The following NOL9 variants were observed in gnomAD, a reference collection of about 807,000 sequenced individuals.
NOL9 encodes polynucleotide 5'-hydroxyl-kinase NOL9.
A neutral mutation model predicts 67.9 loss-of-function variants in NOL9; 28 were observed. That is an observed-to-expected ratio of 0.41 (90% CI 0.31 to 0.57). The LOEUF (loss-of-function observed/expected upper bound fraction) is 0.57. NOL9 is among the 20% of genes least tolerant of loss of function. The probability of loss-of-function intolerance (pLI) is 0.25; values close to 1 mark genes in which losing one functional copy is unlikely to be tolerated. For synonymous variants in NOL9, 356 were observed against 352.2 expected (o/e 1.01, Z -0.12); for missense variants, 777 against 897.0 (o/e 0.87, Z 1.71).
rs760412791 is a variant in NOL9, at chr1:6,545,049, G to A, written c.876C>T (p.Ser292=). 6.8e-6 allele frequency: 11 copies of A among 1,614,034 alleles called. No homozygotes were observed. Among genetic ancestry groups the A allele is most frequent in the African/African-American group, 2.7e-5 (2 of 74,930 alleles). ...LSALEELVNV[S]CEEVDGCPVI... ...TGATCAATGTGTATTACTCACCACA[G>A]GAAACATTGACTAACTCTTCCAGGG... is the stretch of plus-strand genomic sequence containing the variant. The change falls in exon 4 of 12, where the codon TCC becomes TCT. Residue 292 remains serine, a synonymous_variant. Transcript: ENST00000377705.
In NOL9 at chr1:6,554,229, C is replaced by T; in HGVS notation, c.274G>A (p.Ala92Thr). ...TPSPIPSPTPASEPESEPELE... is the reference protein window; with the variant it reads ...TPSPIPSPTPTSEPESEPELE... ...TCGGGTTCGGACTCGGGTTCGGAGG[C>T]CGGGGTCGGGCTAGGGATCGGGCTG... Residue 92 changes from alanine (A) to threonine (T), a missense_variant, in exon 1 of 12, where the codon GCC becomes ACC. Around this residue, in one of 2 missense-constraint regions of NOL9, gnomAD observed 364 missense variants for 344.4 expected, o/e 1.06. Transcript: ENST00000377705. 1 of 1,512,942 alleles carries T rather than the reference C, an allele frequency of 6.6e-7. No individual in the cohort carries two copies. Among genetic ancestry groups the T allele is most frequent in the Non-Finnish European group, 8.8e-7 (1 of 1,129,952 alleles). The allele number at this position is 1,512,942 out of a possible 1,614,324, so 93.7% of individuals were successfully genotyped here.
chr1:6,526,416 G>C (rs1638885050), intron 11 of NOL9, among the ~76,000 whole-genome samples: 2 of 152,118 alleles, frequency 1.3e-5, no homozygotes, highest in Non-Finnish European at 2.9e-5. Context: ...GGGCAAACCT[G>C]GGAGGGCCTC....
rs1048006766 is a variant in NOL9 at position 6,544,643 on chromosome 1, C to T, written c.977+183G>A. Among the ~76,000 whole-genome samples the T allele has an allele frequency of 2.7e-5, 4 of 148,298 alleles. No individual in the cohort carries two copies. In the Admixed American group the frequency reaches 2.8e-4, roughly 10 times the overall value. On this transcript the variant is annotated intron_variant, in intron 5 of 11. Coordinates refer to ENST00000377705, the MANE Select transcript of NOL9 (RefSeq NM_024654.5). ...CTGCAGGTAAGGCAAAGTCAGCCTACGCTAGAGCATTGTCACATACTGCAA... is the reference window on the plus strand; with the variant it reads ...CTGCAGGTAAGGCAAAGTCAGCCTATGCTAGAGCATTGTCACATACTGCAA...
At chr1:6,549,726 G>A (rs1639501077) in intron 2 of NOL9, 28 bp from the exon 3 acceptor site, 2 of 1,607,500 alleles carry the variant, frequency 1.2e-6, no homozygotes, top group Non-Finnish European at 8.5e-7. Context: ...AACCACCTTA[G>A]AAGCAGTAAC....
chr1:6,554,351 C>G lies in NOL9; in HGVS notation c.152G>C (p.Arg51Pro). The G allele has an allele frequency of 1.4e-6, 2 of 1,457,254 alleles. No homozygotes were observed. The highest frequency in any genetic ancestry group is 1.8e-6 in the Non-Finnish European group (2 of 1,112,818). The allele number at this position is 1,457,254 out of a possible 1,614,324, so 90.3% of individuals were successfully genotyped here. A position where few individuals can be genotyped will look rare whatever the true frequency, so the allele number is the denominator to read the frequency against. The change falls in exon 1 of 12, where the codon CGG becomes CCG. Residue 51 changes from arginine (R) to proline (P), a missense_variant. Around this residue, in one of 2 missense-constraint regions of NOL9, gnomAD observed 364 missense variants for 344.4 expected, o/e 1.06. Coordinates refer to ENST00000377705, the MANE Select transcript of NOL9 (RefSeq NM_024654.5). ...GCCGGACGCCTGGGCTTGCAGTAAC[C>G]GCCACCGTAGGCGCCGCCGACCGCA... is the stretch of plus-strand genomic sequence containing the variant. The part of the protein sequence containing the change: ...RWCGRRRLRW[R>P]LLQAQASGVD...
At chr1:6,547,879 G>A in intron 3 of NOL9, 1 of 166,434 alleles carries the variant, frequency 6.0e-6, no homozygotes, top group South Asian at 1.3e-4. Context: ...TCTCTTCTTG[G>A]GACGTTGTCT....
At chr1:6,540,905 A>G (rs187893225) in intron 6 of NOL9, 2 of 151,994 alleles carry the variant, frequency 1.3e-5, no homozygotes, top group African/African-American at 4.8e-5. Flanking sequence ...TACAGAGAAG[A>G]CTGGCAATGG....
At chr1:6,546,133 A>C (rs1639417840) in intron 3 of NOL9, among the ~76,000 whole-genome samples, 3 of 151,558 alleles carry the variant, frequency 2.0e-5, no homozygotes, top group Admixed American at 2.0e-4. Flanking sequence ...TATCTCCCTT[A>C]TGTGAAAAAA....
rs187225768 is a variant in NOL9 at position 6,549,811 on chromosome 1, G to A, written c.617-113C>T. The A allele has an allele frequency of 2.4e-4, 314 of 1,297,118 alleles. No homozygotes were observed. The Middle Eastern group carries it at 2.7e-3, about 11-fold the overall frequency. 80.4% of individuals were successfully genotyped at this position (1,297,118 alleles called of 1,614,324 possible). A position where few individuals can be genotyped will look rare whatever the true frequency, so the allele number is the denominator to read the frequency against. The stretch of plus-strand genomic sequence containing the variant: ...TAAACATTAGGAGAGTAGGAATTAC[G>A]GTTGAGAGCCTTTTTCAGGGGGCCG... On this transcript the variant is annotated intron_variant, in intron 2 of 11. Coordinates refer to ENST00000377705, the MANE Select transcript of NOL9 (RefSeq NM_024654.5).
chr1:6,540,613 G>T (rs1339805559), intron 6 of NOL9, among the ~76,000 whole-genome samples: 2 of 152,130 alleles, frequency 1.3e-5, no homozygotes, highest in African/African-American at 4.8e-5. Context: ...ATGACCTGAG[G>T]TCAGGAGTTC....
rs116897468 is a variant in NOL9 at position 6,536,578 on chromosome 1, A to C, written c.1076-3137T>G. Among the ~76,000 whole-genome samples the C allele has an allele frequency of 3.3e-5, 5 of 152,142 alleles. No individual in the cohort carries two copies. In the East Asian group the frequency reaches 9.7e-4, roughly 29 times the overall value. ...TGCAGTGGCTCACACTTGTAATCTC[A>C]GGACTGTGGGAGGCTTAGGTGGGAG... On this transcript the variant is annotated intron_variant, in intron 6 of 11. Transcript: ENST00000377705.
chr1:6,539,240 G>C (rs1639223062), intron 6 of NOL9, among the ~76,000 whole-genome samples: 1 of 152,170 alleles, frequency 6.6e-6, no homozygotes, highest in Non-Finnish European at 1.5e-5. Context: ...AAAACAGTTT[G>C]GCAGTTCTCA....
Position 6,526,771 on chromosome 1 carries a change from G to C in NOL9, c.1884C>G (p.Pro628=). 1 of 1,613,844 alleles carries C rather than the reference G, an allele frequency of 6.2e-7. No individual in the cohort carries two copies. The highest frequency in any genetic ancestry group is 1.1e-5 in the South Asian group (1 of 91,034). ...KRLYHILTPV[P]PEELRTVNCL... ...AATTCACGGTCCTTAGCTCTTCCGG[G>C]GGCACAGGGGTGAGGATGTGGTACA... Residue 628 remains proline, a synonymous_variant, in exon 11 of 12, where the codon CCC becomes CCG. Transcript: ENST00000377705.
intron 6 of NOL9, among the ~76,000 whole-genome samples, chr1:6,536,853 TA>T (rs1436135512): frequency 6.6e-6 from 1 of 152,040 alleles, no homozygotes; most frequent in African/African-American, 2.4e-5. Context: ...AATTTTTAAG[TA>T]AAACAGCATG....
At position 6,545,048 on chromosome 1, in the gene NOL9, A is replaced by G; in HGVS notation, c.877T>C (p.Cys293Arg). 6.2e-7 allele frequency: 1 copy of G among 1,614,218 alleles called. No individual in the cohort carries two copies. The highest frequency in any genetic ancestry group is 8.5e-7 in the Non-Finnish European group (1 of 1,180,042). ...GTGATCAATGTGTATTACTCACCAC[A>G]GGAAACATTGACTAACTCTTCCAGG... Reference protein sequence around the residue: ...SALEELVNVSCEEVDGCPVIL... With the variant: ...SALEELVNVSREEVDGCPVIL... Residue 293 changes from cysteine (C) to arginine (R), a missense_variant, in exon 4 of 12, where the codon TGT becomes CGT. Cys to Arg is a radical substitution (Grantham distance 180). This residue lies in a region of NOL9 where 413 missense variants were observed against 552.6 expected (regional missense o/e 0.75). Coordinates refer to ENST00000377705, the MANE Select transcript of NOL9 (RefSeq NM_024654.5).
chr1:6,548,805 G>A (rs1174845911), intron 3 of NOL9, among the ~76,000 whole-genome samples: 1 of 152,176 alleles, frequency 6.6e-6, no homozygotes, highest in Non-Finnish European at 1.5e-5. Context: ...AAAAAGGCCA[G>A]GCATGGTGGC....
chr1:6,532,598 C>T lies in NOL9; in HGVS notation c.1400G>A (p.Arg467Gln), dbSNP rs768124764. 1.9e-6 allele frequency: 3 copies of T among 1,614,172 alleles called. No homozygotes were observed. The highest frequency in any genetic ancestry group is 2.5e-6 in the Non-Finnish European group (3 of 1,180,042). ...TGCAAATGCTGCGAGTCTGAAACGTCGATTTCTCATCTTGGTCTTGCTTTT... is the reference window on the plus strand; with the variant it reads ...TGCAAATGCTGCGAGTCTGAAACGTTGATTTCTCATCTTGGTCTTGCTTTT... ...YTKSKTKMRN[R>Q]RFRLAAFADA... is the part of the protein sequence containing the mutation. The change falls in exon 8 of 12, where the codon CGA becomes CAA. Residue 467 changes from arginine to glutamine, a missense_variant. This residue lies in a region of NOL9 where 413 missense variants were observed against 552.6 expected (regional missense o/e 0.75). Transcript: ENST00000377705.
chr1:6,528,280 C>T (rs980824132), intron 10 of NOL9, among the ~76,000 whole-genome samples: 18 of 152,140 alleles, frequency 1.2e-4, no homozygotes, highest in African/African-American at 3.9e-4. Context: ...GGCACAATTG[C>T]GCCTGGGTTC....
intron 6 of NOL9, among the ~76,000 whole-genome samples, chr1:6,537,754 A>G (rs1182019519): frequency 6.6e-6 from 1 of 152,172 alleles, no homozygotes; most frequent in African/African-American, 2.4e-5. Flanking sequence ...TCTATATTCA[A>G]AAGAAAGAAG....
Sources: gnomAD v4.1 joint callset for allele counts (sites outside exome capture counted in the v4.1 genomes callset) on GRCh38, gnomAD v4.1.1 for gene constraint, gnomAD v4.1.1 regional missense constraint, MANE v1.5 for transcripts, NCBI Gene and HGNC (gene_info 2026-07-23, HGNC 2026-07-21) for gene names.